Variants in AGPS observed in about 807,000 individuals in gnomAD.
AGPS encodes the protein alkylglycerone phosphate synthase.
In AGPS, 26 loss-of-function variants were observed where a neutral mutation model predicts 90.7. That is an observed-to-expected ratio of 0.29 (90% CI 0.21 to 0.40). The LOEUF is 0.40. Among genes scored for constraint, AGPS ranks in the 10% least tolerant of loss-of-function variants. The pLI is 1.00. For missense variants in AGPS, 540 were observed against 816.1 expected (o/e 0.66, Z 4.12); for synonymous variants, 294 against 285.3 (o/e 1.03, Z -0.31).
chr2:177,477,185 C>G (rs1687806250), intron 10 of AGPS, among the ~76,000 whole-genome samples: 1 of 151,980 alleles, frequency 6.6e-6, no homozygotes, highest in African/African-American at 2.4e-5. Context: ...TATTTTCCCC[C>G]CCTCTGTGGG....
intron 7 of AGPS, among the ~76,000 whole-genome samples, chr2:177,445,064 C>T (rs564454947): frequency 6.6e-6 from 1 of 152,230 alleles, no homozygotes; most frequent in South Asian, 2.1e-4. Context: ...TTTTTCTAAT[C>T]TTATGGTCAT....
chr2:177,538,879 T>A lies in AGPS; in HGVS notation c.*684T>A, dbSNP rs2079207181. ...ATGAGTTGTATTTGTATCACTGAGA[T>A]AACCTATTGTTATATTCTAATTCAT... On this transcript the variant is annotated 3_prime_UTR_variant, in exon 20 of 20. Coordinates refer to ENST00000264167, the MANE Select transcript of AGPS (RefSeq NM_003659.4). 6.6e-6 allele frequency: 1 copy of A among 152,104 alleles called. No homozygotes were observed. The highest frequency in any genetic ancestry group is 1.5e-5 in the Non-Finnish European group (1 of 68,012). 9.4% of individuals were successfully genotyped at this position (152,104 alleles called of 1,614,324 possible).
rs1559044547 is a variant in AGPS, at chr2:177,435,009, A to AGG, written c.441+592_441+593insGG. ...CTTTAAACTGTAGGTATATATATAT[A>AGG]TATATATATATATATGTATGAAACT... On this transcript the variant is annotated intron_variant, in intron 3 of 19. Transcript: ENST00000264167. Among the ~76,000 whole-genome samples the AGG allele has an allele frequency of 8.2e-5, 12 of 146,088 alleles. No homozygotes were observed. In the East Asian group the frequency reaches 2.0e-3, roughly 24 times the overall value.
intron 2 of AGPS, among the ~76,000 whole-genome samples, chr2:177,430,907 T>C (rs1427610166): frequency 2.0e-5 from 3 of 152,204 alleles, no homozygotes; most frequent in African/African-American, 7.2e-5. Context: ...AGTTAGTATA[T>C]AAATGAAAAA....
intron 11 of AGPS, 32 bp downstream of exon 11, chr2:177,482,218 T>TTAAAAAACAAAAAAACAAA: frequency 8.6e-7 from 1 of 1,163,920 alleles, no homozygotes. Flanking sequence ...TATACATACA[T>TTAAAAAACAAAAAAACAAA]ACATATATGT....
At chr2:177,435,236 G>T (rs987019150) in intron 3 of AGPS, among the ~76,000 whole-genome samples, 1 of 151,742 alleles carries the variant, frequency 6.6e-6, no homozygotes, top group African/African-American at 2.4e-5. Context: ...TTGTTGTTAA[G>T]TGGTATAGGT....
chr2:177,399,056 C>A lies in AGPS; in HGVS notation c.260+6007C>A, dbSNP rs114706458. Among the ~76,000 whole-genome samples, 513 of 152,258 alleles carry A rather than the reference C, an allele frequency of 3.4e-3. 1 individual carries two copies. Among genetic ancestry groups the A allele is most frequent in the African/African-American group, 0.011 (460 of 41,558 alleles). On this transcript the variant is annotated intron_variant, in intron 1 of 19. Coordinates refer to ENST00000264167, the MANE Select transcript of AGPS (RefSeq NM_003659.4). ...ATGGACCAGACCTTCTCTACATAGA[C>A]TTTTTTATGTTGGGAAGTTACTATA...
intron 8 of AGPS, among the ~76,000 whole-genome samples, chr2:177,461,549 A>C (rs567353745): frequency 2.0e-5 from 3 of 152,162 alleles, no homozygotes; most frequent in African/African-American, 7.2e-5. Flanking sequence ...TGATCTCCAT[A>C]AATATTTAAA....
intron 2 of AGPS, among the ~76,000 whole-genome samples, chr2:177,426,828 C>CT (rs1392136722): frequency 1.3e-5 from 2 of 151,952 alleles, no homozygotes; most frequent in Non-Finnish European, 2.9e-5. Context: ...TTGAAGTTTT[C>CT]TTTTTTTGTT....
At chr2:177,523,680 G>T in intron 18 of AGPS, 68 bp from the exon 19 acceptor site, 2 of 1,328,504 alleles carry the variant, frequency 1.5e-6, no homozygotes, top group Non-Finnish European at 1.1e-6. Flanking sequence ...TTGGGAGTTG[G>T]GTCTTTTTCT....
At chr2:177,462,168 A>AGTACC in intron 9 of AGPS, 150 bp downstream of exon 9, 9 of 526,968 alleles carry the variant, frequency 1.7e-5, no homozygotes, top group Non-Finnish European at 2.8e-5. Flanking sequence ...AGGCGGGCGG[A>AGTACC]TCATGAGGTC....
chr2:177,525,592 C>T (rs138154845), intron 19 of AGPS, among the ~76,000 whole-genome samples: 1 of 152,202 alleles, frequency 6.6e-6, no homozygotes, highest in Non-Finnish European at 1.5e-5. Context: ...AGGGTGAGAG[C>T]AGCTGAATCA....
At chr2:177,491,463 G>T (rs1688259040) in intron 11 of AGPS, among the ~76,000 whole-genome samples, 1 of 140,602 alleles carries the variant, frequency 7.1e-6, no homozygotes. Context: ...TTTTAGTAGA[G>T]ATGGGGTTTC....
intron 1 of AGPS, among the ~76,000 whole-genome samples, chr2:177,402,084 G>T (rs1258775321): frequency 6.6e-6 from 1 of 152,110 alleles, no homozygotes; most frequent in Non-Finnish European, 1.5e-5. Context: ...ATTAAACATA[G>T]TAAATAAGTA....
intron 1 of AGPS, among the ~76,000 whole-genome samples, chr2:177,402,024 GA>G (rs1377162912): frequency 6.6e-6 from 1 of 152,164 alleles, no homozygotes; most frequent in Non-Finnish European, 1.5e-5. Context: ...ACAAAATGGA[GA>G]AAGATTTTTA....
intron 10 of AGPS, among the ~76,000 whole-genome samples, chr2:177,472,770 C>A (rs1687666305): frequency 6.6e-6 from 1 of 152,004 alleles, no homozygotes; most frequent in Admixed American, 6.6e-5. Context: ...TCTTTCATTT[C>A]TATAGGGTCT....
At chr2:177,526,941 G>A (rs182251739) in intron 19 of AGPS, among the ~76,000 whole-genome samples, 12 of 152,234 alleles carry the variant, frequency 7.9e-5, no homozygotes, top group Non-Finnish European at 1.5e-4. Flanking sequence ...AAGATGCTAA[G>A]GTTCTGAATA....
chr2:177,457,092 A>C (rs546525369), intron 8 of AGPS, among the ~76,000 whole-genome samples: 1 of 152,192 alleles, frequency 6.6e-6, no homozygotes, highest in Non-Finnish European at 1.5e-5. Context: ...TTGAATGACT[A>C]CTGGGTAGAT....
rs145019168 is a variant in AGPS at position 177,509,060 on chromosome 2, A to G, written c.1607+1029A>G. On this transcript the variant is annotated intron_variant, in intron 16 of 19. Coordinates refer to ENST00000264167, the MANE Select transcript of AGPS (RefSeq NM_003659.4). ...GGACGGAACAATTCCCTGTGAATCT[A>G]CTTCTTAGATTGCATATCTTAATAT... Among the ~76,000 whole-genome samples the G allele has an allele frequency of 1.7e-3, 260 of 152,256 alleles. 1 individual carries two copies. Among genetic ancestry groups the G allele is most frequent in the Non-Finnish European group, 2.9e-3 (194 of 68,014 alleles).
Sources: gnomAD v4.1 joint callset for allele counts (sites outside exome capture counted in the v4.1 genomes callset) on GRCh38, gnomAD v4.1.1 for gene constraint, MANE v1.5 for transcripts, NCBI Gene and HGNC (gene_info 2026-07-23, HGNC 2026-07-21) for gene names.